Variants in BAZ2B observed in about 807,000 individuals in gnomAD.
The protein encoded by BAZ2B is bromodomain adjacent to zinc finger domain 2B, also known as bromodomain adjacent to zinc finger domain protein 2B.
In BAZ2B, 91 loss-of-function variants were observed where a neutral mutation model predicts 246.0. The ratio of observed to expected loss-of-function variants is 0.37; its 90% CI spans 0.31 to 0.44. BAZ2B has a LOEUF of 0.44. BAZ2B is among the 20% of genes least tolerant of loss of function. The pLI, the probability that BAZ2B is intolerant of heterozygous loss-of-function variation, is 1.00. For missense variants in BAZ2B, 2,332 were observed against 2,533.7 expected, an observed-to-expected ratio of 0.92 and a Z score of 1.71; for synonymous variants, 855 against 860.0, an observed-to-expected ratio of 0.99 and a Z score of 0.10.
At chr2:159,461,428 T>C (rs1195943357) in intron 3 of BAZ2B, 1 of 152,610 alleles carries the variant, frequency 6.6e-6, no homozygotes, top group African/African-American at 2.4e-5. Flanking sequence ...TCGTTAGTAT[T>C]TCCTTAAATA....
intron 2 of BAZ2B, among the ~76,000 whole-genome samples, chr2:159,505,509 T>C (rs1318308843): frequency 1.3e-5 from 2 of 152,190 alleles, no homozygotes; most frequent in African/African-American, 4.8e-5. Context: ...ATTGCCAGAT[T>C]ATGTCAATTT....
intron 25 of BAZ2B, among the ~76,000 whole-genome samples, chr2:159,375,283 T>C (rs950822926): frequency 1.7e-4 from 26 of 151,996 alleles, no homozygotes; most frequent in African/African-American, 5.8e-4. Flanking sequence ...CAAAGAGAGG[T>C]AGTGATTAAA....
chr2:159,525,750 A>T (rs1037646093), intron 2 of BAZ2B, among the ~76,000 whole-genome samples: 3 of 152,236 alleles, frequency 2.0e-5, no homozygotes, highest in African/African-American at 7.2e-5. Flanking sequence ...ATCAATCAGT[A>T]AAGTAATATA....
At chr2:159,598,543 G>C (rs1463723537) in intron 1 of BAZ2B, among the ~76,000 whole-genome samples, 3 of 152,100 alleles carry the variant, frequency 2.0e-5, no homozygotes, top group Non-Finnish European at 4.4e-5. Flanking sequence ...GGGAAATACT[G>C]ATCAAAAACT....
intron 3 of BAZ2B, among the ~76,000 whole-genome samples, chr2:159,471,976 A>G (rs2077857130): frequency 6.6e-6 from 1 of 152,232 alleles, no homozygotes; most frequent in Admixed American, 6.5e-5. Flanking sequence ...ATGTATCAGA[A>G]AAGTTTATTA....
chr2:159,521,582 T>C (rs1244700221), intron 2 of BAZ2B, among the ~76,000 whole-genome samples: 1 of 152,102 alleles, frequency 6.6e-6, no homozygotes, highest in Non-Finnish European at 1.5e-5. Flanking sequence ...TTTTGAATCG[T>C]TTGTTCTTAC....
chr2:159,659,303 G>A, the BAZ2B span, among the ~76,000 whole-genome samples: 1 of 152,158 alleles, frequency 6.6e-6, no homozygotes. Flanking sequence ...TCTACCACTT[G>A]CCAATTATCT....
At chr2:159,608,034 A>G (rs1294513851) in intron 1 of BAZ2B, among the ~76,000 whole-genome samples, 1 of 152,196 alleles carries the variant, frequency 6.6e-6, no homozygotes, top group African/African-American at 2.4e-5. Context: ...ACTTTTTCAA[A>G]CAACGTCTAA....
the BAZ2B span, among the ~76,000 whole-genome samples, chr2:159,668,182 C>T: frequency 6.6e-6 from 1 of 151,960 alleles, no homozygotes; most frequent in Admixed American, 6.6e-5. Flanking sequence ...ATAAAATATT[C>T]AACTCATTTT....
At chr2:159,560,112 T>G (rs1390911955) in intron 1 of BAZ2B, among the ~76,000 whole-genome samples, 1 of 152,210 alleles carries the variant, frequency 6.6e-6, no homozygotes, top group Admixed American at 6.5e-5. Flanking sequence ...GTACTCAATT[T>G]TAACATACTC....
chr2:159,433,227 T>C lies in BAZ2B; in HGVS notation c.1430A>G (p.Asn477Ser), dbSNP rs2071475879. The C allele has an allele frequency of 1.9e-6, 3 of 1,614,090 alleles. No homozygotes were observed. The highest frequency in any genetic ancestry group is 2.5e-6 in the Non-Finnish European group (3 of 1,180,042). ...SPAHPKQTLE[N>S]NHPNPFLTNA... ...TGTCAAGAATGGATTTGGGTGGTTG[T>C]TTTCTAATGTTTGTTTTGGATGTGC... Residue 477 changes from asparagine to serine, a missense_variant, in exon 9 of 37, where the codon AAC becomes AGC. Transcript: ENST00000392783.
chr2:159,413,721 T>C (rs2067192933), intron 13 of BAZ2B, among the ~76,000 whole-genome samples: 1 of 151,782 alleles, frequency 6.6e-6, no homozygotes, highest in Non-Finnish European at 1.5e-5. Flanking sequence ...AATAAATAAA[T>C]AAATAAATAG....
At chr2:159,369,766 C>T (rs116109668) in intron 27 of BAZ2B, among the ~76,000 whole-genome samples, 2,349 of 152,218 alleles carry the variant, frequency 0.015, 38 homozygotes, top group Middle Eastern at 0.071. Context: ...AAAAAAAAAT[C>T]TTTGTTGGAC....
chr2:159,667,645 A>AAAT, the BAZ2B span, among the ~76,000 whole-genome samples: 1 of 145,760 alleles, frequency 6.9e-6, no homozygotes, highest in Non-Finnish European at 1.5e-5. Context: ...AATAAATAAA[A>AAAT]GACTCTCCAT....
chr2:159,682,387 C>T, the BAZ2B span, among the ~76,000 whole-genome samples: 1 of 151,890 alleles, frequency 6.6e-6, no homozygotes, highest in Admixed American at 6.6e-5. Flanking sequence ...CTATATTGTC[C>T]AGGCTGGTCT....
At chr2:159,337,372 C>T (rs1217478973) in intron 32 of BAZ2B, 195 bp downstream of exon 32, 4 of 1,357,874 alleles carry the variant, frequency 2.9e-6, no homozygotes, top group South Asian at 2.8e-5. Flanking sequence ...CACAGACATA[C>T]AAGAAGATAC....
At chr2:159,603,455 C>T (rs913079369) in intron 1 of BAZ2B, among the ~76,000 whole-genome samples, 1 of 152,196 alleles carries the variant, frequency 6.6e-6, no homozygotes, top group Non-Finnish European at 1.5e-5. Flanking sequence ...TGCATTCCCA[C>T]ATTTTTTCTT....
At chr2:159,453,942 C>T (rs1336593784) in intron 3 of BAZ2B, 141 bp from the exon 4 acceptor site, 2 of 627,506 alleles carry the variant, frequency 3.2e-6, no homozygotes, top group East Asian at 3.6e-5. Context: ...ATTTTCTACT[C>T]TTCAAACCCT....
rs1216910451 is a variant in BAZ2B, at chr2:159,382,544, C to G, written c.4005+15G>C. ...GCAGTTCTAGTTGTCTTAAAATCAA[C>G]CTAAATTTCATTACCTCATCTTCAC... On this transcript the variant is annotated intron_variant, in intron 25 of 36. Transcript: ENST00000392783. 6.5e-7 allele frequency: 1 copy of G among 1,545,978 alleles called. No homozygotes were observed. The highest frequency in any genetic ancestry group is 2.0e-5 in the Admixed American group (1 of 50,756).
Sources: allele counts gnomAD v4.1 joint callset (sites outside exome capture counted in the v4.1 genomes callset), GRCh38; gene constraint gnomAD v4.1.1; transcripts MANE v1.5; gene names NCBI Gene and HGNC (gene_info 2026-07-23, HGNC 2026-07-21).